The following FKBP14 variants were observed in gnomAD, a reference collection of about 807,000 sequenced individuals.
FKBP14 encodes FKBP prolyl isomerase 14.
FKBP14 carries 20 observed loss-of-function variants against 21.6 expected under a neutral mutation model. The observed-to-expected ratio is 0.92, with a 90% confidence interval of 0.65 to 1.34. FKBP14 has a LOEUF of 1.34. FKBP14 is among the 40% of genes most tolerant of loss of function. The pLI is 0.00. For synonymous variants in FKBP14, 79 were observed against 86.7 expected, an observed-to-expected ratio of 0.91 and a Z score of 0.49; for missense variants, 253 against 249.0, an observed-to-expected ratio of 1.02 and a Z score of -0.11.
chr7:30,026,280 T>A (rs1171618526), intron 1 of FKBP14, 32 bp downstream of exon 1: 1 of 1,564,342 alleles, frequency 6.4e-7, no homozygotes, highest in East Asian at 2.3e-5. Flanking sequence ...GATTCTTAAT[T>A]ACTATTTTAC....
intron 3 of FKBP14, among the ~76,000 whole-genome samples, chr7:30,017,978 A>G (rs187547702): frequency 7.9e-5 from 12 of 151,852 alleles, no homozygotes; most frequent in African/African-American, 2.9e-4. Context: ...GCTGGGCAAC[A>G]GAGCAAGACT....
At chr7:30,009,213 C>T (rs1015421874), downstream of FKBP14, among the ~76,000 whole-genome samples, 2 of 151,764 alleles carry the variant, frequency 1.3e-5, no homozygotes, top group Admixed American at 1.3e-4. Context: ...TTTTGTTTCT[C>T]CCTGCATCCG....
chr7:30,021,371 T>C (rs1251465736), intron 2 of FKBP14, among the ~76,000 whole-genome samples: 1 of 152,190 alleles, frequency 6.6e-6, no homozygotes, highest in African/African-American at 2.4e-5. Flanking sequence ...AAATGCCATT[T>C]TAAATAACTG....
rs761086215 is a variant in FKBP14 at position 30,014,814 on chromosome 7, T to C, written c.557A>G (p.Asp186Gly). 1.9e-6 allele frequency: 3 copies of C among 1,611,346 alleles called. No individual in the cohort carries two copies. Among genetic ancestry groups the C allele is most frequent in the Admixed American group, 1.7e-5 (1 of 59,236 alleles). ...NESHHDALVE[D>G]IFDKEDEDKD... is the part of the protein sequence containing the mutation. Reference sequence around the variant, plus strand: ...GTCTTCATCTTCTTTATCAAAAATATCCTCCACCAAAGCATCATGATGACT... The same window carrying C: ...GTCTTCATCTTCTTTATCAAAAATACCCTCCACCAAAGCATCATGATGACT... The change falls in exon 4 of 4, where the codon GAT becomes GGT. Residue 186 changes from aspartate (D) to glycine (G), a missense_variant. Coordinates refer to ENST00000222803, the MANE Select transcript of FKBP14 (RefSeq NM_017946.4).
At chr7:30,007,697 G>A (rs1233965941), downstream of FKBP14, among the ~76,000 whole-genome samples, 1 of 152,210 alleles carries the variant, frequency 6.6e-6, no homozygotes, top group African/African-American at 2.4e-5. Flanking sequence ...GAAGTTATCT[G>A]TCCCTCAAAT....
chr7:30,010,594 C>T lies in FKBP14; in HGVS notation c.*4141G>A, dbSNP rs1177281232. Reference sequence around the variant, plus strand: ...AATTTTTCACAAAATCAGTTATCTCCCAAATAAACTTTATTTTGAAAAGAA... The same window carrying T: ...AATTTTTCACAAAATCAGTTATCTCTCAAATAAACTTTATTTTGAAAAGAA... On this transcript the variant is annotated 3_prime_UTR_variant, in exon 4 of 4. Transcript: ENST00000222803. 1.3e-5 allele frequency: 2 copies of T among 152,042 alleles called. No individual in the cohort carries two copies. The highest frequency in any genetic ancestry group is 4.8e-5 in the African/African-American group (2 of 41,376). The allele number at this position is 152,042 out of a possible 1,614,324, so 9.4% of individuals were successfully genotyped here.
intron 3 of FKBP14, among the ~76,000 whole-genome samples, chr7:30,015,871 C>A (rs1354330785): frequency 6.6e-6 from 1 of 151,870 alleles, no homozygotes; most frequent in Non-Finnish European, 1.5e-5. Context: ...GTGATCTGCC[C>A]GCCTCGGCCT....
intron 2 of FKBP14, among the ~76,000 whole-genome samples, chr7:30,020,583 T>C (rs1015232520): frequency 3.9e-5 from 6 of 152,286 alleles, no homozygotes; most frequent in East Asian, 1.9e-4. Context: ...ATTTATAAAA[T>C]AGTCATAGTA....
chr7:30,019,194 T>C, intron 2 of FKBP14, 71 bp from the exon 3 acceptor site: 1 of 1,466,162 alleles, frequency 6.8e-7, no homozygotes, highest in Non-Finnish European at 9.1e-7. Context: ...TTTATGGTAA[T>C]GGACAAAGTA....
At chr7:30,026,253 G>A in intron 1 of FKBP14, 59 bp downstream of exon 1, 1 of 1,468,480 alleles carries the variant, frequency 6.8e-7, no homozygotes, top group Non-Finnish European at 9.2e-7. Context: ...CTGCTGGAGA[G>A]CTGGCATAAG....
chr7:30,015,273 C>A (rs892505445), intron 3 of FKBP14, among the ~76,000 whole-genome samples: 4 of 151,872 alleles, frequency 2.6e-5, no homozygotes, highest in Non-Finnish European at 1.5e-5. Context: ...AAAAAGTTAG[C>A]CAGGCATGAT....
In FKBP14 at chr7:30,026,580, T is replaced by C. The variant is rs1790187143; in HGVS notation, c.-72A>G. 1.4e-6 allele frequency: 2 copies of C among 1,431,776 alleles called. No homozygotes were observed. Among genetic ancestry groups the C allele is most frequent in the Non-Finnish European group, 1.9e-6 (2 of 1,057,042 alleles). The allele number at this position is 1,431,776 out of a possible 1,614,324, so 88.7% of individuals were successfully genotyped here. ...CCTCGACTTCATAGATTTAAGAACG[T>C]AGTTCAAGGCTTACGGACAAGGGCT... is the stretch of plus-strand genomic sequence containing the variant. On this transcript the variant is annotated 5_prime_UTR_variant, in exon 1 of 4. Coordinates refer to ENST00000222803, the MANE Select transcript of FKBP14 (RefSeq NM_017946.4).
intron 3 of FKBP14, among the ~76,000 whole-genome samples, chr7:30,017,187 A>AC (rs1789909988): frequency 6.6e-6 from 1 of 151,758 alleles, no homozygotes; most frequent in Admixed American, 6.6e-5. Flanking sequence ...AAAAAAAAAA[A>AC]CAGAAAGAAA....
intron 1 of FKBP14, among the ~76,000 whole-genome samples, chr7:30,023,418 C>T (rs1167501349): frequency 6.6e-6 from 1 of 152,174 alleles, no homozygotes; most frequent in East Asian, 1.9e-4. Context: ...GTCTTATATC[C>T]TGCCTACAAA....
downstream of FKBP14, among the ~76,000 whole-genome samples, chr7:30,007,912 G>C (rs555813882): frequency 1.3e-3 from 202 of 152,228 alleles, no homozygotes; most frequent in African/African-American, 4.3e-3. Flanking sequence ...AGCCGGGCAC[G>C]CTGGCATGCA....
chr7:30,021,582 G>A (rs1455574305), intron 2 of FKBP14, among the ~76,000 whole-genome samples: 2 of 150,304 alleles, frequency 1.3e-5, no homozygotes, highest in Non-Finnish European at 3.0e-5. Flanking sequence ...TTGAGATGGA[G>A]TTTGGCTCTG....
chr7:30,022,317 A>G (rs1583733821), intron 2 of FKBP14: 1 of 159,866 alleles, frequency 6.3e-6, no homozygotes, highest in Admixed American at 6.4e-5. Flanking sequence ...ATGGTTCCAC[A>G]ATAACATGAA....
intron 3 of FKBP14, among the ~76,000 whole-genome samples, chr7:30,017,012 G>A (rs1042008847): frequency 6.6e-6 from 1 of 152,156 alleles, no homozygotes; most frequent in Non-Finnish European, 1.5e-5. Flanking sequence ...AAAGCAAAAC[G>A]ACAAAACAGC....
chr7:30,017,998 GAAATAAATAAATAAATAAAT>G (rs56283024), intron 3 of FKBP14, among the ~76,000 whole-genome samples: 66,941 of 145,734 alleles, frequency 0.46, 16,884 homozygotes, highest in East Asian at 0.81. Flanking sequence ...TCCCTCTCAG[GAAATAAATAAATAAATAAAT>G]AAATAAATAA....
Sources: gnomAD v4.1 joint callset for allele counts (sites outside exome capture counted in the v4.1 genomes callset) on GRCh38, gnomAD v4.1.1 for gene constraint, MANE v1.5 for transcripts, NCBI Gene and HGNC (gene_info 2026-07-23, HGNC 2026-07-21) for gene names.